The following NRXN1 variants were observed in gnomAD, a reference collection of about 807,000 sequenced individuals.
NRXN1 encodes the protein neurexin 1.
Under a neutral mutation model 150.9 loss-of-function variants are expected in NRXN1, and 39 were observed. The ratio of observed to expected loss-of-function variants is 0.26; its 90% CI spans 0.20 to 0.34. The LOEUF (loss-of-function observed/expected upper bound fraction) is 0.34. Among genes scored for constraint, NRXN1 ranks in the 10% least tolerant of loss-of-function variants. The pLI is 1.00. For missense variants in NRXN1, 1,815 were observed against 1,949.9 expected (o/e 0.93, Z 1.30); for synonymous variants, 924 against 757.0 (o/e 1.22, Z -3.62).
intron 22 of NRXN1, among the ~76,000 whole-genome samples, chr2:49,925,862 G>C (rs1291995030): frequency 6.6e-6 from 1 of 152,164 alleles, no homozygotes; most frequent in Non-Finnish European, 1.5e-5. Context: ...AAGAGAATAA[G>C]GGAGGGGGAG....
chr2:50,850,764 G>C (rs952060130), intron 5 of NRXN1, among the ~76,000 whole-genome samples: 1 of 151,352 alleles, frequency 6.6e-6, no homozygotes. Context: ...CCACACATTT[G>C]AGTTGCGAAA....
intron 21 of NRXN1, among the ~76,000 whole-genome samples, chr2:49,988,969 A>T (rs970499589): frequency 1.8e-4 from 27 of 152,338 alleles, no homozygotes; most frequent in African/African-American, 5.8e-4. Context: ...GTTCATATGC[A>T]TGTACAGTGG....
chr2:50,212,516 TA>T (rs1312639809), intron 18 of NRXN1, among the ~76,000 whole-genome samples: 1 of 151,652 alleles, frequency 6.6e-6, no homozygotes, highest in African/African-American at 2.4e-5. Context: ...TCCCCAAACT[TA>T]GAAGTTTTTG....
At chr2:50,170,065 T>C (rs1272594595) in intron 18 of NRXN1, among the ~76,000 whole-genome samples, 1 of 151,972 alleles carries the variant, frequency 6.6e-6, no homozygotes, top group Non-Finnish European at 1.5e-5. Flanking sequence ...TAAGCATGTA[T>C]TTTACTTCTA....
chr2:50,527,334 A>G (rs565207625), intron 12 of NRXN1, among the ~76,000 whole-genome samples: 3 of 152,276 alleles, frequency 2.0e-5, no homozygotes, highest in South Asian at 4.1e-4. Flanking sequence ...TGCAAAATGT[A>G]TATCCTTTTA....
intron 5 of NRXN1, among the ~76,000 whole-genome samples, chr2:50,764,365 T>A (rs1702155686): frequency 6.6e-6 from 1 of 152,018 alleles, no homozygotes; most frequent in Non-Finnish European, 1.5e-5. Flanking sequence ...TATGTACCAA[T>A]AATACATGAC....
chr2:50,645,825 T>G (rs556723067), intron 5 of NRXN1, among the ~76,000 whole-genome samples: 2 of 151,980 alleles, frequency 1.3e-5, no homozygotes, highest in Non-Finnish European at 2.9e-5. Context: ...ATTGCCTGAA[T>G]GTAAGATCGA....
chr2:50,681,816 A>C (rs947901003), intron 5 of NRXN1, among the ~76,000 whole-genome samples: 4 of 152,170 alleles, frequency 2.6e-5, no homozygotes, highest in Non-Finnish European at 5.9e-5. Context: ...TGTTTATACA[A>C]ATTTGACTTA....
chr2:49,982,728 A>G (rs1680180906), intron 21 of NRXN1, among the ~76,000 whole-genome samples: 1 of 152,144 alleles, frequency 6.6e-6, no homozygotes, highest in Non-Finnish European at 1.5e-5. Flanking sequence ...TGTAATGTAC[A>G]TACCTATTCT....
intron 5 of NRXN1, among the ~76,000 whole-genome samples, chr2:50,817,482 AC>A (rs1355742792): frequency 6.6e-6 from 1 of 152,124 alleles, no homozygotes; most frequent in Non-Finnish European, 1.5e-5. Flanking sequence ...AGAGAAGAGA[AC>A]ATTTCCATAC....
At chr2:50,035,472 A>T (rs560204804) in intron 21 of NRXN1, among the ~76,000 whole-genome samples, 1 of 152,282 alleles carries the variant, frequency 6.6e-6, no homozygotes, top group African/African-American at 2.4e-5. Context: ...AGCAGATTTT[A>T]TAGGAATGTG....
At chr2:50,053,897 G>A (rs529379336) in intron 20 of NRXN1, among the ~76,000 whole-genome samples, 4 of 152,222 alleles carry the variant, frequency 2.6e-5, no homozygotes, top group African/African-American at 9.6e-5. Context: ...TATATTGTTG[G>A]TGTCTAAAGT....
intron 5 of NRXN1, among the ~76,000 whole-genome samples, chr2:50,674,940 G>T (rs776289420): frequency 1.3e-5 from 2 of 151,878 alleles, no homozygotes; most frequent in African/African-American, 2.4e-5. Context: ...CCTCAATGTA[G>T]GAGATGGGGC....
rs983004502 is a variant in NRXN1 at position 50,860,247 on chromosome 2, T to A, written c.832+61622A>T. ...AACCACTGTCCTGACATAAACAAGA[T>A]AACAACATCAGAAAAAAAAAAAATT... On this transcript the variant is annotated intron_variant, in intron 5 of 22. Coordinates refer to ENST00000401669, the MANE Select transcript of NRXN1 (RefSeq NM_001330078.2). 7.3e-5 allele frequency among the ~76,000 whole-genome samples: 11 copies of A among 150,846 alleles called. No homozygotes were observed. In the East Asian group the frequency reaches 1.2e-3, roughly 16 times the overall value.
At chr2:50,525,732 C>T (rs1398168440) in intron 12 of NRXN1, among the ~76,000 whole-genome samples, 1 of 152,158 alleles carries the variant, frequency 6.6e-6, no homozygotes, top group Non-Finnish European at 1.5e-5. Context: ...CTATCTATAG[C>T]TGAAAATAAG....
At chr2:50,179,902 C>T (rs964093800) in intron 18 of NRXN1, among the ~76,000 whole-genome samples, 2 of 152,056 alleles carry the variant, frequency 1.3e-5, no homozygotes, top group Non-Finnish European at 2.9e-5. Context: ...TACAAATAAT[C>T]GGTTTGATTT....
intron 18 of NRXN1, among the ~76,000 whole-genome samples, chr2:50,208,747 A>G (rs894510147): frequency 1.4e-4 from 22 of 152,224 alleles, no homozygotes; most frequent in African/African-American, 4.8e-4. Flanking sequence ...CCATTTAATT[A>G]CACTTGAAAA....
At chr2:50,588,551 C>A (rs1437683245) in intron 8 of NRXN1, 1 of 152,114 alleles carries the variant, frequency 6.6e-6, no homozygotes, top group East Asian at 1.9e-4. Context: ...TAAAAACGTG[C>A]CTTCAGTAAG....
intron 16 of NRXN1, among the ~76,000 whole-genome samples, chr2:50,469,930 C>A (rs2089297342): frequency 6.6e-6 from 1 of 151,148 alleles, no homozygotes; most frequent in Non-Finnish European, 1.5e-5. Context: ...TAAACAACAC[C>A]AAACATCATT....
Sources: gnomAD v4.1 joint callset for allele counts (sites outside exome capture counted in the v4.1 genomes callset) on GRCh38, gnomAD v4.1.1 for gene constraint, MANE v1.5 for transcripts, NCBI Gene and HGNC (gene_info 2026-07-23, HGNC 2026-07-21) for gene names.